The following LRRC37A variants were observed in gnomAD, a reference collection of about 807,000 sequenced individuals.
The protein encoded by LRRC37A is leucine rich repeat containing 37A.
Under a neutral mutation model 35.4 loss-of-function variants are expected in LRRC37A, and 3 were observed. The ratio of observed to expected loss-of-function variants is 0.08; its 90% CI spans 0.04 to 0.22. The LOEUF (loss-of-function observed/expected upper bound fraction) is 0.22. Among genes scored for constraint, LRRC37A ranks in the 10% least tolerant of loss-of-function variants. The pLI, the probability that LRRC37A is intolerant of heterozygous loss-of-function variation, is 1.00. For synonymous variants in LRRC37A, 23 were observed against 215.0 expected (o/e 0.11, Z 7.81); for missense variants, 67 against 565.3 (o/e 0.12, Z 8.94).
At chr17:46,273,544 G>A in the LRRC37A span, among the ~76,000 whole-genome samples, 1 of 152,210 alleles carries the variant, frequency 6.6e-6, no homozygotes, top group Non-Finnish European at 1.5e-5. Context: ...GCAGGGAAAC[G>A]TTGAAAGGAA....
At chr17:46,275,543 C>T in the LRRC37A span, 21 of 531,068 alleles carry the variant, frequency 4.0e-5, no homozygotes, top group South Asian at 8.2e-5. Flanking sequence ...CCTTGGCAAG[C>T]GAATAGAAAA....
chr17:46,251,389 G>A, the LRRC37A span, among the ~76,000 whole-genome samples: 1,435 of 152,050 alleles, frequency 9.4e-3, 22 homozygotes, highest in African/African-American at 0.034. Context: ...CTCCCGAGTA[G>A]CTGGGATTAT....
chr17:46,253,102 C>T, the LRRC37A span, among the ~76,000 whole-genome samples: 1 of 148,076 alleles, frequency 6.8e-6, no homozygotes, highest in African/African-American at 2.4e-5. Flanking sequence ...GGTCTCCTCA[C>T]TTCTCAGATG....
chr17:46,268,789 C>T, the LRRC37A span: 3 of 897,780 alleles, frequency 3.3e-6, no homozygotes, highest in Non-Finnish European at 4.6e-6. Flanking sequence ...TAGAAGAGAG[C>T]CCAAAGCTAC....
chr17:46,286,882 TC>T, the LRRC37A span, among the ~76,000 whole-genome samples: 1 of 152,222 alleles, frequency 6.6e-6, no homozygotes, highest in African/African-American at 2.4e-5. Flanking sequence ...GATGTACACA[TC>T]CATTTTCTTA....
At chr17:46,275,353 T>C in the LRRC37A span, 2 of 977,428 alleles carry the variant, frequency 2.0e-6, no homozygotes, top group Non-Finnish European at 3.0e-6. Context: ...ATTCTTGCTG[T>C]GTTTTATGTT....
upstream of LRRC37A, among the ~76,000 whole-genome samples, chr17:46,290,135 A>C (rs1247321230): frequency 6.6e-6 from 1 of 152,208 alleles, no homozygotes; most frequent in Non-Finnish European, 1.5e-5. Flanking sequence ...AAACAAAACA[A>C]AACTTTTTTT....
the LRRC37A span, among the ~76,000 whole-genome samples, chr17:46,265,369 TCTC>T: frequency 8.9e-6 from 1 of 112,332 alleles, no homozygotes; most frequent in Non-Finnish European, 2.4e-5. Context: ...TTCTCCTTCT[TCTC>T]CTTCTTCTTT....
chr17:46,248,142 C>T, the LRRC37A span, among the ~76,000 whole-genome samples: 4 of 151,840 alleles, frequency 2.6e-5, no homozygotes, highest in Non-Finnish European at 4.4e-5. Context: ...TCATGATGAC[C>T]GTTGAACTGG....
chr17:46,291,208 G>A (rs1367294550), upstream of LRRC37A, among the ~76,000 whole-genome samples: 3 of 152,320 alleles, frequency 2.0e-5, no homozygotes, highest in Admixed American at 6.5e-5. Context: ...ATCGTGGGAC[G>A]GATTTTGGGA....
At chr17:46,269,538 G>A in the LRRC37A span, among the ~76,000 whole-genome samples, 1 of 152,168 alleles carries the variant, frequency 6.6e-6, no homozygotes, top group Non-Finnish European at 1.5e-5. Context: ...CAAACAAAGT[G>A]TACAAAAGGG....
chr17:46,276,183 G>GGCT, the LRRC37A span, among the ~76,000 whole-genome samples: 69 of 152,342 alleles, frequency 4.5e-4, no homozygotes, highest in African/African-American at 1.6e-3. Flanking sequence ...GAGCCACCAA[G>GGCT]GCTGGCCTCA....
chr17:46,268,425 A>C, the LRRC37A span: 18 of 1,028,050 alleles, frequency 1.8e-5, no homozygotes, highest in African/African-American at 3.6e-5. Context: ...CAGCTTAGGT[A>C]TTTCTTAAAG....
chr17:46,252,177 C>A, the LRRC37A span, among the ~76,000 whole-genome samples: 1 of 151,830 alleles, frequency 6.6e-6, no homozygotes, highest in Admixed American at 6.6e-5. Context: ...AATAAAGTAT[C>A]AGGTATTTAC....
the LRRC37A span, among the ~76,000 whole-genome samples, chr17:46,264,142 C>T: frequency 2.1e-3 from 309 of 146,332 alleles, no homozygotes; most frequent in African/African-American, 7.2e-3. Context: ...ACCACCTCAG[C>T]TGACTTTTTT....
the LRRC37A span, among the ~76,000 whole-genome samples, chr17:46,259,019 ATTTTTTTTTTTT>A: frequency 0.15 from 11,830 of 79,284 alleles, 809 homozygotes; most frequent in Middle Eastern, 0.34. Flanking sequence ...CACCCGGCCT[ATTTTTTTTTTTT>A]TTTTTTTTTT....
chr17:46,280,569 C>CTTTT, the LRRC37A span, among the ~76,000 whole-genome samples: 262 of 111,992 alleles, frequency 2.3e-3, 41 homozygotes, highest in Middle Eastern at 7.2e-3. Flanking sequence ...TGATAGCACA[C>CTTTT]TTTTTTTTTT....
At chr17:46,300,152 C>G (rs1264044867) in intron 2 of LRRC37A, among the ~76,000 whole-genome samples, 1 of 58,078 alleles carries the variant, frequency 1.7e-5, no homozygotes, top group South Asian at 9.1e-4. Flanking sequence ...CTTACTTTGT[C>G]CTCTGGGCTG....
At chr17:46,257,954 A>T in the LRRC37A span, among the ~76,000 whole-genome samples, 31 of 152,326 alleles carry the variant, frequency 2.0e-4, no homozygotes, top group African/African-American at 7.5e-4. Context: ...GGGATGTTTC[A>T]GTCAAGCAGT....
Sources: allele counts gnomAD v4.1 joint callset (sites outside exome capture counted in the v4.1 genomes callset), GRCh38; gene constraint gnomAD v4.1.1; transcripts MANE v1.5; gene names NCBI Gene and HGNC (gene_info 2026-07-23, HGNC 2026-07-21).